The following PFKFB3 variants were observed in gnomAD, a reference collection of about 807,000 sequenced individuals.
The protein encoded by PFKFB3 is 6-phosphofructo-2-kinase/fructose-2,6-bisphosphatase 3.
Under a neutral mutation model 68.0 loss-of-function variants are expected in PFKFB3, and 33 were observed. That is an observed-to-expected ratio of 0.49 (90% CI 0.37 to 0.65). The LOEUF is 0.65. Ranked by LOEUF, PFKFB3 falls within the 30% of genes least tolerant of loss-of-function variation. PFKFB3 has a pLI of 0.00. For missense variants in PFKFB3, 586 were observed against 712.2 expected, an observed-to-expected ratio of 0.82 and a Z score of 2.02; for synonymous variants, 315 against 288.2, an observed-to-expected ratio of 1.09 and a Z score of -0.94.
chr10:6,202,935 C>T lies in PFKFB3; in HGVS notation c.-326C>T. The T allele has an allele frequency of 8.2e-7, 1 of 1,224,942 alleles. No individual in the cohort carries two copies. Among genetic ancestry groups the T allele is most frequent in the East Asian group, 4.6e-5 (1 of 21,872 alleles). The allele number at this position is 1,224,942 out of a possible 1,614,324, so 75.9% of individuals were successfully genotyped here. On this transcript the variant is annotated 5_prime_UTR_variant, in exon 1 of 15. Transcript: ENST00000379775. ...CCGGCGGTGCGCGGGGCATCCCAGC[C>T]AAGCCGGAGAGGAGGCGAGCAGCAG...
chr10:6,148,365 C>T (rs746983584), intron 1 of PFKFB3, among the ~76,000 whole-genome samples: 5 of 152,194 alleles, frequency 3.3e-5, no homozygotes, highest in Admixed American at 6.5e-5. Context: ...CAACATGGAC[C>T]GCAGTGGTAT....
chr10:6,148,787 C>T (rs540384975), intron 1 of PFKFB3, among the ~76,000 whole-genome samples: 4 of 152,110 alleles, frequency 2.6e-5, no homozygotes, highest in Admixed American at 6.6e-5. Flanking sequence ...CCTTAGAAAT[C>T]GAATAGATGG....
chr10:6,149,387 G>A (rs1441195962), intron 1 of PFKFB3, among the ~76,000 whole-genome samples: 4 of 151,478 alleles, frequency 2.6e-5, no homozygotes, highest in Admixed American at 2.0e-4. Context: ...AGGAGTTCGA[G>A]ACCAGGCTGG....
chr10:6,206,737 G>A (rs1239441844), intron 1 of PFKFB3, among the ~76,000 whole-genome samples: 1 of 149,338 alleles, frequency 6.7e-6, no homozygotes, highest in South Asian at 2.1e-4. Context: ...TGGCGGCCAG[G>A]AAGAGGCGCT....
chr10:6,321,776 A>G, the PFKFB3 span, among the ~76,000 whole-genome samples: 10 of 152,170 alleles, frequency 6.6e-5, no homozygotes, highest in African/African-American at 2.4e-4. Flanking sequence ...AATGAATTGC[A>G]AACCTGACTG....
chr10:6,239,519 G>C (rs1187578994), downstream of PFKFB3, among the ~76,000 whole-genome samples: 2 of 152,202 alleles, frequency 1.3e-5, no homozygotes, highest in East Asian at 3.8e-4. Flanking sequence ...TCAGTGTCCA[G>C]ACGAACAACA....
intron 14 of PFKFB3, chr10:6,254,067 G>A (rs1846443544): frequency 2.5e-6 from 1 of 393,634 alleles, no homozygotes; most frequent in Non-Finnish European, 4.5e-6. Flanking sequence ...AGGAATGGAG[G>A]GTCTTTTTCA....
chr10:6,221,889 A>G lies in PFKFB3; in HGVS notation c.1083+144A>G, dbSNP rs144813842. The stretch of plus-strand genomic sequence containing the variant: ...CCACCTTGGAACTGAGTCCCCCCAA[A>G]CTGAACCTTCTAACAGCCTGGGGTG... On this transcript the variant is annotated intron_variant, in intron 10 of 14. Transcript: ENST00000379775. 626 of 613,724 alleles carry G rather than the reference A, an allele frequency of 1.0e-3. 1 individual carries two copies. In the African/African-American group the frequency reaches 0.011, roughly 10 times the overall value. 38.0% of individuals were successfully genotyped at this position (613,724 alleles called of 1,614,324 possible).
chr10:6,262,209 G>C, the PFKFB3 span, among the ~76,000 whole-genome samples: 44 of 151,904 alleles, frequency 2.9e-4, no homozygotes, highest in Middle Eastern at 3.4e-3. Context: ...AGTCCCAGCA[G>C]TTTGGGAGGC....
At chr10:6,150,874 C>G (rs994983104) in intron 1 of PFKFB3, among the ~76,000 whole-genome samples, 16 of 152,120 alleles carry the variant, frequency 1.1e-4, no homozygotes, top group African/African-American at 2.9e-4. Flanking sequence ...TGGCGGGCAC[C>G]TGTAATTTCA....
At chr10:6,203,358 C>T (rs370377112) in intron 1 of PFKFB3, 22 bp downstream of exon 1, 1 of 1,571,318 alleles carries the variant, frequency 6.4e-7, no homozygotes, top group Non-Finnish European at 8.7e-7. Context: ...TGCGCGGAGC[C>T]GGGTTGCAGG....
chr10:6,165,978 C>CTTTT lies in PFKFB3; in HGVS notation c.16+20981_16+20984dup, dbSNP rs35266127. 7.6e-3 allele frequency among the ~76,000 whole-genome samples: 953 copies of CTTTT among 124,814 alleles called. 35 individuals carry two copies. In the East Asian group the frequency reaches 0.085, roughly 11 times the overall value. 81.9% of individuals were successfully genotyped at this position (124,814 alleles called of 152,430 possible). A position where few individuals can be genotyped will look rare whatever the true frequency, so the allele number is the denominator to read the frequency against. ...TACAGGCGTGGATCACCAGGCTCAA[C>CTTTT]TTTTTTTTTTTTTTTTTTTGAGACG... On this transcript the variant is annotated intron_variant, in intron 1 of 14. Coordinates refer to the PFKFB3 transcript ENST00000379789.
the PFKFB3 span, among the ~76,000 whole-genome samples, chr10:6,297,670 T>C: frequency 6.6e-6 from 1 of 152,154 alleles, no homozygotes; most frequent in Admixed American, 6.5e-5. Flanking sequence ...TCAGGAATGT[T>C]TGCATTTGAG....
intron 14 of PFKFB3, among the ~76,000 whole-genome samples, chr10:6,253,554 G>A (rs1275937222): frequency 6.6e-6 from 1 of 152,094 alleles, no homozygotes; most frequent in Non-Finnish European, 1.5e-5. Context: ...AGCGGGGGAC[G>A]GGGGTGTGTT....
chr10:6,224,644 CTAATTT>C (rs1425280751), intron 13 of PFKFB3: 12 of 342,742 alleles, frequency 3.5e-5, no homozygotes, highest in African/African-American at 1.5e-4. Flanking sequence ...CCATGCCCAG[CTAATTT>C]TAATTTATTC....
chr10:6,187,969 A>ATCTATCTATCTATCTG (rs1329370936), intron 1 of PFKFB3, among the ~76,000 whole-genome samples: 1 of 133,866 alleles, frequency 7.5e-6, no homozygotes, highest in African/African-American at 2.6e-5. Flanking sequence ...CTATCTATCT[A>ATCTATCTATCTATCTG]TCTATCTATC....
chr10:6,265,509 G>C, the PFKFB3 span, among the ~76,000 whole-genome samples: 1 of 152,044 alleles, frequency 6.6e-6, no homozygotes, highest in African/African-American at 2.4e-5. Context: ...ATTATGTTTA[G>C]GCTATACATC....
Position 6,206,982 on chromosome 10 carries a change from C to T in PFKFB3, c.76+3646C>T, listed in dbSNP as rs1172868784. 5.4e-5 allele frequency among the ~76,000 whole-genome samples: 8 copies of T among 149,410 alleles called. 1 individual carries two copies. Among genetic ancestry groups the T allele is most frequent in the African/African-American group, 7.5e-5 (3 of 40,086 alleles). Reference sequence around the variant, plus strand: ...GGCAGCCAGGCAGAGGGGCTCCTCACATCCCAGACGATGGGTGGCCAGGCA... The same window carrying T: ...GGCAGCCAGGCAGAGGGGCTCCTCATATCCCAGACGATGGGTGGCCAGGCA... On this transcript the variant is annotated intron_variant, in intron 1 of 14. Transcript: ENST00000379775.
rs1842558755 is a variant in PFKFB3 at position 6,177,485 on chromosome 10, T to TTTTC, written c.16+32475_16+32476insCTTT. Among the ~76,000 whole-genome samples the TTTTC allele has an allele frequency of 2.9e-5, 4 of 139,832 alleles. No homozygotes were observed. The Admixed American group carries it at 3.2e-4, about 11-fold the overall frequency. The allele number at this position is 139,832 out of a possible 152,430, so 91.7% of individuals were successfully genotyped here. On this transcript the variant is annotated intron_variant, in intron 1 of 14. Transcript: ENST00000379789. The stretch of plus-strand genomic sequence containing the variant: ...CTTTCTTTCTTTCTTTCTTTCTTTC[T>TTTTC]TTTTCTTTTCTTTCTCTCTCTCGCT...
Sources: allele counts gnomAD v4.1 joint callset (sites outside exome capture counted in the v4.1 genomes callset), GRCh38; gene constraint gnomAD v4.1.1; transcripts MANE v1.5; gene names NCBI Gene and HGNC (gene_info 2026-07-23, HGNC 2026-07-21).